Variants in NR3C2 observed in about 807,000 individuals in gnomAD.
NR3C2 encodes nuclear receptor subfamily 3 group C member 2.
A neutral mutation model predicts 86.4 loss-of-function variants in NR3C2; 15 were observed. The observed-to-expected ratio is 0.17, with a 90% CI of 0.12 to 0.27. NR3C2 has a LOEUF of 0.27. NR3C2 is among the 10% of genes least tolerant of loss of function. NR3C2 has a pLI of 1.00. For missense variants in NR3C2, 960 were observed against 1,195.6 expected, an observed-to-expected ratio of 0.80 and a Z score of 2.91; for synonymous variants, 458 against 450.5, an observed-to-expected ratio of 1.02 and a Z score of -0.21.
chr4:148,260,255 T>C, intron 2 of NR3C2, 138 bp from the exon 3 acceptor site: 3 of 1,104,574 alleles, frequency 2.7e-6, no homozygotes, highest in Non-Finnish European at 4.0e-6. Flanking sequence ...CTATGTGACT[T>C]AGCAAAATAA....
intron 8 of NR3C2, among the ~76,000 whole-genome samples, chr4:148,082,419 C>G (rs1423450517): frequency 6.6e-6 from 1 of 152,160 alleles, no homozygotes; most frequent in African/African-American, 2.4e-5. Context: ...AGAGGGTGAG[C>G]TGAAGCAGGG....
chr4:148,214,638 G>T (rs191977956), intron 3 of NR3C2, among the ~76,000 whole-genome samples: 2 of 152,202 alleles, frequency 1.3e-5, no homozygotes, highest in Admixed American at 1.3e-4. Flanking sequence ...TCTTGCCACA[G>T]AGCTGAGCCA....
chr4:148,123,288 T>C (rs1438520987), intron 6 of NR3C2, among the ~76,000 whole-genome samples: 3 of 152,220 alleles, frequency 2.0e-5, no homozygotes, highest in Non-Finnish European at 2.9e-5. Flanking sequence ...TTGTTTAAGA[T>C]GTTTATCAAG....
At chr4:148,223,997 G>A (rs915469345) in intron 3 of NR3C2, among the ~76,000 whole-genome samples, 1 of 152,144 alleles carries the variant, frequency 6.6e-6, no homozygotes, top group Non-Finnish European at 1.5e-5. Flanking sequence ...TGTTGACGAT[G>A]TTGATTTGGG....
At chr4:148,253,037 T>G (rs981584478) in intron 3 of NR3C2, among the ~76,000 whole-genome samples, 8 of 152,238 alleles carry the variant, frequency 5.3e-5, no homozygotes, top group Admixed American at 6.6e-5. Context: ...TGGATAATAC[T>G]AATTTACTTT....
At chr4:148,269,905 T>C (rs1302591259) in intron 2 of NR3C2, among the ~76,000 whole-genome samples, 1 of 152,220 alleles carries the variant, frequency 6.6e-6, no homozygotes, top group East Asian at 1.9e-4. Flanking sequence ...AAAGATTATA[T>C]ATGTACACAT....
In NR3C2 at chr4:148,109,485, A is replaced by C. The variant is rs1578891758; in HGVS notation, c.2799+4619T>G. ...GAATGTGGCAAGGGCTCACCAGCAG[A>C]TCAGTATATAAACATACATGCTCTC... is the stretch of plus-strand genomic sequence containing the variant. On this transcript the variant is annotated intron_variant, in intron 8 of 8. Coordinates refer to ENST00000358102, the MANE Select transcript of NR3C2 (RefSeq NM_000901.5). Among the ~76,000 whole-genome samples the C allele has an allele frequency of 3.9e-5, 6 of 152,336 alleles. 1 individual carries two copies. The highest frequency in any genetic ancestry group is 3.9e-4 in the Admixed American group (6 of 15,304).
At chr4:148,233,725 G>A (rs1212386571) in intron 3 of NR3C2, among the ~76,000 whole-genome samples, 1 of 152,108 alleles carries the variant, frequency 6.6e-6, no homozygotes, top group Non-Finnish European at 1.5e-5. Flanking sequence ...TGGTGAAGCA[G>A]TCAGAACACA....
chr4:148,260,491 T>C (rs2149872298), intron 2 of NR3C2, among the ~76,000 whole-genome samples: 1 of 152,292 alleles, frequency 6.6e-6, no homozygotes, highest in Non-Finnish European at 1.5e-5. Context: ...TATTTTTGCA[T>C]CAAAGAGCTA....
At chr4:148,405,224 G>A (rs912006919) in intron 2 of NR3C2, among the ~76,000 whole-genome samples, 1 of 152,090 alleles carries the variant, frequency 6.6e-6, no homozygotes, top group Non-Finnish European at 1.5e-5. Flanking sequence ...TCACCATAGG[G>A]CTACACAAAA....
At chr4:148,434,574 C>T (rs955637028) in intron 2 of NR3C2, among the ~76,000 whole-genome samples, 1 of 152,056 alleles carries the variant, frequency 6.6e-6, no homozygotes, top group African/African-American at 2.4e-5. Flanking sequence ...CCACAACTTT[C>T]ATATAATTAA....
intron 2 of NR3C2, among the ~76,000 whole-genome samples, chr4:148,374,594 T>A (rs1013289447): frequency 1.4e-4 from 22 of 152,206 alleles, no homozygotes; most frequent in African/African-American, 4.8e-4. Context: ...TGTCAATGTA[T>A]AAAAGAACTT....
chr4:148,142,630 G>A (rs1290934894), intron 6 of NR3C2, among the ~76,000 whole-genome samples: 2 of 152,278 alleles, frequency 1.3e-5, no homozygotes, highest in East Asian at 1.9e-4. Context: ...GAGTAGCTGG[G>A]ACCACAGGTG....
rs567106326 is a variant in NR3C2 at position 148,435,577 on chromosome 4, C to T, written c.1284G>A (p.Lys428=). The stretch of plus-strand genomic sequence containing the variant: ...AACATGAATGCTTGGTTGATTCTTG[C>T]TTTATTGGTACTGAGAATGAAGAAT... ...NSDSSFSVPI[K]QESTKHSCSG... The change falls in exon 2 of 9, where the codon AAG becomes AAA. Residue 428 remains lysine (K), a synonymous_variant. Transcript: ENST00000358102. 1.2e-6 allele frequency: 2 copies of T among 1,614,026 alleles called. No homozygotes were observed. The highest frequency in any genetic ancestry group is 2.2e-5 in the East Asian group (1 of 44,892).
At position 148,286,371 on chromosome 4, in the gene NR3C2, G is replaced by GA. The variant is rs888685017; in HGVS notation, c.1758-26255dup. Among the ~76,000 whole-genome samples the GA allele has an allele frequency of 8.6e-5, 13 of 150,626 alleles. No homozygotes were observed. In the East Asian group the frequency reaches 9.7e-4, roughly 11 times the overall value. On this transcript the variant is annotated intron_variant, in intron 2 of 8. Coordinates refer to ENST00000358102, the MANE Select transcript of NR3C2 (RefSeq NM_000901.5). ...AGTAAAAATCAGGCTGTACAGAATT[G>GA]AAAAAAAAATCTGATTAAATGGATC... is the stretch of plus-strand genomic sequence containing the variant.
intron 4 of NR3C2, among the ~76,000 whole-genome samples, chr4:148,165,952 T>C (rs1402415863): frequency 6.6e-6 from 1 of 152,200 alleles, no homozygotes; most frequent in African/African-American, 2.4e-5. Context: ...CAGGATGCCA[T>C]GCAAGTTGGA....
rs551996182 is a variant in NR3C2, at chr4:148,159,277, A to ATAC, written c.2015-4377_2015-4376insGTA. Among the ~76,000 whole-genome samples the ATAC allele has an allele frequency of 9.8e-5, 15 of 152,346 alleles. No homozygotes were observed. The South Asian group carries it at 1.9e-3, about 19-fold the overall frequency. On this transcript the variant is annotated intron_variant, in intron 4 of 8. Transcript: ENST00000358102. ...TAACAAACTATTACATATATAAAGT[A>ATAC]TTAGTTTACTTCCCTGTGGGAAATG...
At chr4:148,373,506 G>A (rs1321985341) in intron 2 of NR3C2, among the ~76,000 whole-genome samples, 21 of 133,988 alleles carry the variant, frequency 1.6e-4, no homozygotes, top group African/African-American at 5.7e-4. Context: ...ATGGAGTCTC[G>A]CTCTGTCACC....
chr4:148,101,622 C>T, intron 8 of NR3C2, among the ~76,000 whole-genome samples: 1 of 152,144 alleles, frequency 6.6e-6, no homozygotes, highest in East Asian at 1.9e-4. Context: ...CATATATACA[C>T]ATATATGCAT....
Sources: gnomAD v4.1 joint callset for allele counts (sites outside exome capture counted in the v4.1 genomes callset) on GRCh38, gnomAD v4.1.1 for gene constraint, MANE v1.5 for transcripts, NCBI Gene and HGNC (gene_info 2026-07-23, HGNC 2026-07-21) for gene names.